The following KCNAB1 variants were observed in gnomAD, a reference collection of about 807,000 sequenced individuals.
KCNAB1 encodes the protein potassium voltage-gated channel subfamily A regulatory beta subunit 1.
KCNAB1 carries 35 observed loss-of-function variants against 64.6 expected under a neutral mutation model. The ratio of observed to expected loss-of-function variants is 0.54; its 90% confidence interval spans 0.41 to 0.72. The LOEUF is 0.72. Among genes scored for constraint, KCNAB1 ranks in the 30% least tolerant of loss-of-function variants. The probability of loss-of-function intolerance (pLI) is 0.00; values close to 1 mark genes in which losing one functional copy is unlikely to be tolerated. For synonymous variants in KCNAB1, 177 were observed against 183.8 expected (o/e 0.96, Z 0.30); for missense variants, 401 against 512.9 (o/e 0.78, Z 2.11).
intron 1 of KCNAB1, among the ~76,000 whole-genome samples, chr3:156,164,784 A>T (rs1249163885): frequency 1.3e-5 from 2 of 152,092 alleles, no homozygotes; most frequent in Non-Finnish European, 2.9e-5. Flanking sequence ...TTCTTTTTAT[A>T]CCACTCTGCT....
intron 8 of KCNAB1, 109 bp from the exon 9 acceptor site, chr3:156,514,251 TAATC>T: frequency 1.3e-6 from 1 of 740,876 alleles, no homozygotes; most frequent in South Asian, 1.7e-5. Flanking sequence ...CTAATTTTAT[TAATC>T]AAACAAACAA....
intron 1 of KCNAB1, among the ~76,000 whole-genome samples, chr3:156,170,161 C>T (rs908908807): frequency 6.6e-5 from 10 of 151,326 alleles, no homozygotes; most frequent in African/African-American, 2.2e-4. Context: ...ATCAATTGAA[C>T]AATTGGTTCC....
At chr3:156,231,916 C>T (rs1237663771) in intron 1 of KCNAB1, among the ~76,000 whole-genome samples, 1 of 152,190 alleles carries the variant, frequency 6.6e-6, no homozygotes, top group Non-Finnish European at 1.5e-5. Flanking sequence ...TGTACCCCAA[C>T]AACCTTGGGC....
intron 1 of KCNAB1, among the ~76,000 whole-genome samples, chr3:156,212,482 G>A (rs748421636): frequency 2.0e-5 from 3 of 152,196 alleles, no homozygotes; most frequent in Non-Finnish European, 4.4e-5. Context: ...CCAGGCTTTA[G>A]AGATAGCTAC....
rs188535076 is a variant in KCNAB1, at chr3:156,288,184, T to G, written c.276-133432T>G. Among the ~76,000 whole-genome samples the G allele has an allele frequency of 2.4e-3, 359 of 152,290 alleles. 2 individuals are homozygous for G. Among genetic ancestry groups the G allele is most frequent in the African/African-American group, 8.3e-3 (346 of 41,556 alleles). ...TTCACATATCTGTGTCCTAATCTCC[T>G]CCTTCTATATGGACACCAGTCACAT... is the stretch of plus-strand genomic sequence containing the variant. On this transcript the variant is annotated intron_variant, in intron 1 of 13. Transcript: ENST00000490337.
chr3:156,323,533 A>G (rs956685999), intron 1 of KCNAB1, among the ~76,000 whole-genome samples: 2 of 152,212 alleles, frequency 1.3e-5, no homozygotes, highest in Non-Finnish European at 2.9e-5. Context: ...TCTTTCAACC[A>G]TTAAAAATAG....
intron 1 of KCNAB1, among the ~76,000 whole-genome samples, chr3:156,334,029 G>A (rs1425662279): frequency 6.6e-6 from 1 of 152,056 alleles, no homozygotes; most frequent in African/African-American, 2.4e-5. Flanking sequence ...GTATTCAAAT[G>A]TATTCGGTTT....
chr3:156,147,741 A>C lies in KCNAB1; in HGVS notation c.275+26855A>C, dbSNP rs147664189. Among the ~76,000 whole-genome samples the C allele has an allele frequency of 4.4e-3, 666 of 152,322 alleles. 4 individuals carry two copies. Among genetic ancestry groups the C allele is most frequent in the African/African-American group, 0.015 (633 of 41,570 alleles). On this transcript the variant is annotated intron_variant, in intron 1 of 13. Transcript: ENST00000490337. ...TCTTAACTTGAGATGGGCCTTAAGG[A>C]TAATCTGCTCCAATTTCTGGTCTTA...
At chr3:156,344,831 G>A (rs1306972138) in intron 1 of KCNAB1, among the ~76,000 whole-genome samples, 1 of 152,144 alleles carries the variant, frequency 6.6e-6, no homozygotes, top group Non-Finnish European at 1.5e-5. Context: ...ATCCCATTAC[G>A]TCCTATCTCC....
chr3:156,225,113 A>G (rs1406403957), intron 1 of KCNAB1, among the ~76,000 whole-genome samples: 1 of 152,184 alleles, frequency 6.6e-6, no homozygotes, highest in Admixed American at 6.5e-5. Flanking sequence ...GAAAGACATA[A>G]CAAAAAAAGA....
At chr3:156,448,323 G>A (rs923854689) in intron 2 of KCNAB1, among the ~76,000 whole-genome samples, 2 of 152,216 alleles carry the variant, frequency 1.3e-5, no homozygotes, top group Non-Finnish European at 2.9e-5. Context: ...TCTCATTAGA[G>A]GGAGAAAAAT....
At chr3:156,365,136 G>C (rs1436213409) in intron 1 of KCNAB1, among the ~76,000 whole-genome samples, 1 of 152,186 alleles carries the variant, frequency 6.6e-6, no homozygotes, top group South Asian at 2.1e-4. Context: ...GGGCTTAAGA[G>C]TTGGTCTTTG....
At chr3:156,259,017 A>C (rs1381283568) in intron 1 of KCNAB1, among the ~76,000 whole-genome samples, 1 of 152,214 alleles carries the variant, frequency 6.6e-6, no homozygotes. Context: ...TCTCTTTCAA[A>C]TGTCACTTAA....
chr3:156,184,979 C>T (rs867701630), intron 1 of KCNAB1, among the ~76,000 whole-genome samples: 3 of 152,174 alleles, frequency 2.0e-5, no homozygotes, highest in African/African-American at 7.2e-5. Context: ...TTTAACATTA[C>T]AGTACCTCCA....
At chr3:156,176,882 T>C in intron 1 of KCNAB1, 1 of 1,174,348 alleles carries the variant, frequency 8.5e-7, no homozygotes, top group Non-Finnish European at 1.3e-6. Flanking sequence ...GCGGTAACTC[T>C]GGGCCTGTAC....
At chr3:156,391,110 G>A (rs1713009365) in intron 1 of KCNAB1, among the ~76,000 whole-genome samples, 1 of 152,146 alleles carries the variant, frequency 6.6e-6, no homozygotes, top group South Asian at 2.1e-4. Context: ...AATGGGAATA[G>A]CCATTCTGGG....
At chr3:156,528,214 T>A in intron 12 of KCNAB1, among the ~76,000 whole-genome samples, 1 of 151,672 alleles carries the variant, frequency 6.6e-6, no homozygotes, top group East Asian at 1.9e-4. Context: ...GATTGGTACT[T>A]TTATACAGCA....
chr3:156,216,181 G>T (rs1215772063), intron 1 of KCNAB1, among the ~76,000 whole-genome samples: 2 of 152,200 alleles, frequency 1.3e-5, no homozygotes, highest in African/African-American at 4.8e-5. Context: ...CTTATTTCAA[G>T]CTGGAATTTG....
chr3:156,449,134 G>T (rs922621914), intron 2 of KCNAB1, among the ~76,000 whole-genome samples: 3 of 151,954 alleles, frequency 2.0e-5, no homozygotes, highest in African/African-American at 4.8e-5. Flanking sequence ...TATGGAATAG[G>T]TATGTAATAA....
Sources: allele counts gnomAD v4.1 joint callset (sites outside exome capture counted in the v4.1 genomes callset), GRCh38; gene constraint gnomAD v4.1.1; transcripts MANE v1.5; gene names NCBI Gene and HGNC (gene_info 2026-07-23, HGNC 2026-07-21).